Variants in GRAP2 observed in about 807,000 individuals in gnomAD.
GRAP2 encodes the protein GRB2-related adapter protein 2.
GRAP2 carries 31 observed loss-of-function variants against 43.5 expected under a neutral mutation model. The ratio of observed to expected loss-of-function variants is 0.71; its 90% CI spans 0.54 to 0.96. GRAP2 has a LOEUF of 0.96. Among genes scored for constraint, GRAP2 ranks in the 40% least tolerant of loss-of-function variants. GRAP2 has a pLI of 0.00. For synonymous variants in GRAP2, 156 were observed against 164.8 expected (o/e 0.95, Z 0.41); for missense variants, 371 against 424.4 (o/e 0.87, Z 1.11).
intron 7 of GRAP2, among the ~76,000 whole-genome samples, chr22:39,970,288 C>T (rs1450120053): frequency 6.6e-6 from 1 of 151,994 alleles, no homozygotes; most frequent in African/African-American, 2.4e-5. Context: ...GCTATATTGC[C>T]CAGGCTGGTC....
chr22:39,962,769 G>A (rs1023419014), intron 4 of GRAP2, among the ~76,000 whole-genome samples: 2 of 151,992 alleles, frequency 1.3e-5, no homozygotes, highest in African/African-American at 2.4e-5. Flanking sequence ...AGCAATTCTC[G>A]TGCCTTGGCC....
Position 39,971,008 on chromosome 22 carries a change from C to T in GRAP2, c.917C>T (p.Pro306Leu). ...EVVEVLDSSN[P>L]SWWTGRLHNK... is the part of the protein sequence containing the mutation. ...GTGGAGGTCCTGGATAGCTCCAACC[C>T]ATCCTGGTGGACCGGCCGCCTGCAC... The change falls in exon 8 of 8, where the codon CCA becomes CTA. Residue 306 changes from proline (P) to leucine (L), a missense_variant. Pro to Leu is a moderately conservative substitution (Grantham distance 98). Transcript: ENST00000344138. 6.2e-7 allele frequency: 1 copy of T among 1,613,618 alleles called. No homozygotes were observed.
Position 39,901,315 on chromosome 22 carries a change from C to T in GRAP2, c.-30C>T, listed in dbSNP as rs1479589986. 8.1e-7 allele frequency: 1 copy of T among 1,237,720 alleles called. No homozygotes were observed. Among genetic ancestry groups the T allele is most frequent in the Admixed American group, 2.3e-5 (1 of 43,484 alleles). The allele number at this position is 1,237,720 out of a possible 1,614,324, so 76.7% of individuals were successfully genotyped here. ...TCAAAGCCAAGACATAAACTCAACC[C>T]CTTCTCTTCCAAAAGGTATGTCATT... On this transcript the variant is annotated 5_prime_UTR_variant, in exon 1 of 8. Transcript: ENST00000344138.
chr22:39,923,936 T>G lies in GRAP2; in HGVS notation c.-15+22606T>G, dbSNP rs181155274. 2.0e-4 allele frequency among the ~76,000 whole-genome samples: 31 copies of G among 152,312 alleles called. No homozygotes were observed. The East Asian group carries it at 4.3e-3, about 21-fold the overall frequency. ...GTAGGGAAATGGTGATTTTCCTTAT[T>G]GATTTAATGCCAGTTCCTCTTTTAT... On this transcript the variant is annotated intron_variant, in intron 1 of 7. Transcript: ENST00000344138.
chr22:39,954,419 A>G (rs1025406671), intron 2 of GRAP2, among the ~76,000 whole-genome samples: 2 of 151,920 alleles, frequency 1.3e-5, no homozygotes, highest in African/African-American at 2.4e-5. Context: ...TTTTTTTGAG[A>G]GAGGCTTGCT....
At chr22:39,925,618 C>T (rs1333561159) in intron 1 of GRAP2, among the ~76,000 whole-genome samples, 1 of 152,192 alleles carries the variant, frequency 6.6e-6, no homozygotes, top group East Asian at 1.9e-4. Context: ...TCCTGTGCTC[C>T]AGCAGTGCTT....
chr22:39,909,501 C>T (rs2066544083), intron 1 of GRAP2, among the ~76,000 whole-genome samples: 1 of 152,168 alleles, frequency 6.6e-6, no homozygotes, highest in Non-Finnish European at 1.5e-5. Flanking sequence ...AATGCTTCGT[C>T]TTGTAGATGC....
upstream of GRAP2, chr22:39,901,031 A>T: frequency 3.3e-6 from 1 of 302,626 alleles, no homozygotes. Flanking sequence ...TCTAAGGCTC[A>T]CGCCCAACTC....
At chr22:39,946,772 T>C (rs777630771) in intron 1 of GRAP2, 16 of 269,838 alleles carry the variant, frequency 5.9e-5, no homozygotes, top group Non-Finnish European at 9.3e-5. Flanking sequence ...CTTCCCTCCT[T>C]ATCAGCTGCA....
Position 39,960,131 on chromosome 22 carries a change from C to G in GRAP2, c.247C>G (p.Arg83Gly). 6.2e-7 allele frequency: 1 copy of G among 1,612,976 alleles called. No homozygotes were observed. Among genetic ancestry groups the G allele is most frequent in the Non-Finnish European group, 8.5e-7 (1 of 1,178,946 alleles). The change falls in exon 4 of 8, where the codon CGG becomes GGG. Residue 83 changes from arginine to glycine, a missense_variant. Arg to Gly is a moderately radical substitution (Grantham distance 125). Coordinates refer to ENST00000344138, the MANE Select transcript of GRAP2 (RefSeq NM_004810.4). Reference sequence around the variant, plus strand: ...CAAGGAGGTTGGCTTCTTCATCATCCGGGCCAGCCAGAGCTCCCCAGGGGA... The same window carrying G: ...CAAGGAGGTTGGCTTCTTCATCATCGGGGCCAGCCAGAGCTCCCCAGGGGA... ...MGKEVGFFII[R>G]ASQSSPGDFS...
chr22:39,898,628 C>A (rs776987163), upstream of GRAP2, among the ~76,000 whole-genome samples: 1 of 152,158 alleles, frequency 6.6e-6, no homozygotes, highest in South Asian at 2.1e-4. Flanking sequence ...GCCTGACCAA[C>A]ATGGCGAAAC....
In GRAP2 at chr22:39,944,910, A is replaced by C. The variant is rs139847602; in HGVS notation, c.-14-2183A>C. On this transcript the variant is annotated intron_variant, in intron 1 of 7. Transcript: ENST00000344138. The stretch of plus-strand genomic sequence containing the variant: ...TAAGGTGAATTTGCATACAAATGGG[A>C]CCTTGGTCTTCAGGACCATTCACCT... Among the ~76,000 whole-genome samples, 525 of 152,288 alleles carry C rather than the reference A, an allele frequency of 3.4e-3. 4 individuals are homozygous for C. The highest frequency in any genetic ancestry group is 0.012 in the African/African-American group (509 of 41,552).
rs796395252 is a variant in GRAP2 at position 39,941,862 on chromosome 22, G to GTT, written c.-14-5220_-14-5219dup. Among the ~76,000 whole-genome samples the GTT allele has an allele frequency of 3.5e-5, 5 of 143,418 alleles. No homozygotes were observed. In the South Asian group the frequency reaches 9.0e-4, roughly 26 times the overall value. 94.1% of individuals were successfully genotyped at this position (143,418 alleles called of 152,430 possible). On this transcript the variant is annotated intron_variant, in intron 1 of 7. Coordinates refer to ENST00000344138, the MANE Select transcript of GRAP2 (RefSeq NM_004810.4). ...AATGTTCTATATCAACAGGAGAGGT[G>GTT]TTTTTTTTTTTTGTCTGTTTGTTTT...
chr22:39,928,048 T>C (rs1366057975), intron 1 of GRAP2, among the ~76,000 whole-genome samples: 2 of 152,216 alleles, frequency 1.3e-5, no homozygotes, highest in Non-Finnish European at 2.9e-5. Flanking sequence ...CCCATGTTCC[T>C]GCCTCTTTCT....
chr22:39,896,332 G>A (rs1456265438), upstream of GRAP2, among the ~76,000 whole-genome samples: 2 of 152,066 alleles, frequency 1.3e-5, no homozygotes, highest in Non-Finnish European at 2.9e-5. Flanking sequence ...AGCAGTTATG[G>A]GATCGGGCTC....
chr22:39,953,989 G>A (rs1173420926), intron 2 of GRAP2, among the ~76,000 whole-genome samples: 9 of 152,144 alleles, frequency 5.9e-5, no homozygotes, highest in Admixed American at 5.9e-4. Flanking sequence ...TACATTTCAA[G>A]ATATTCACAG....
chr22:39,966,725 CTA>C (rs1364146042), intron 5 of GRAP2, among the ~76,000 whole-genome samples: 3 of 152,148 alleles, frequency 2.0e-5, no homozygotes, highest in African/African-American at 7.2e-5. Context: ...GCAATACAGA[CTA>C]TTGCTTTAAA....
rs371404316 is a variant in GRAP2 at position 39,906,924 on chromosome 22, T to C, written c.-15+5594T>C. Reference sequence around the variant, plus strand: ...ATTACAAGGGAAGTACAAAGTGGGGTGGAAAGCCTGGCTGACTTGTAATTT... The same window carrying C: ...ATTACAAGGGAAGTACAAAGTGGGGCGGAAAGCCTGGCTGACTTGTAATTT... On this transcript the variant is annotated intron_variant, in intron 1 of 7. Coordinates refer to ENST00000344138, the MANE Select transcript of GRAP2 (RefSeq NM_004810.4). 2.0e-4 allele frequency among the ~76,000 whole-genome samples: 31 copies of C among 152,312 alleles called. 1 individual carries two copies. In the East Asian group the frequency reaches 4.4e-3, roughly 22 times the overall value.
intron 1 of GRAP2, among the ~76,000 whole-genome samples, chr22:39,924,312 C>T (rs937099617): frequency 5.9e-5 from 9 of 152,104 alleles, no homozygotes; most frequent in African/African-American, 2.2e-4. Flanking sequence ...CGCTTTTTTT[C>T]CTAGAAGAGG....
Sources: allele counts gnomAD v4.1 joint callset (sites outside exome capture counted in the v4.1 genomes callset), GRCh38; gene constraint gnomAD v4.1.1; transcripts MANE v1.5; gene names NCBI Gene and HGNC (gene_info 2026-07-23, HGNC 2026-07-21).